Variants in THSD4 observed in about 807,000 individuals in gnomAD.
The protein encoded by THSD4 is thrombospondin type 1 domain containing 4.
THSD4 carries 69 observed loss-of-function variants against 119.0 expected under a neutral mutation model. The observed-to-expected ratio is 0.58, with a 90% CI of 0.48 to 0.71. THSD4 has a LOEUF of 0.71. Among genes scored for constraint, THSD4 ranks in the 30% least tolerant of loss-of-function variants. The probability of loss-of-function intolerance (pLI) is 0.00; values close to 1 mark genes in which losing one functional copy is unlikely to be tolerated. For synonymous variants in THSD4, 524 were observed against 540.4 expected, an observed-to-expected ratio of 0.97 and a Z score of 0.42; for missense variants, 1,393 against 1,391.1, an observed-to-expected ratio of 1.00 and a Z score of -0.02.
intron 6 of THSD4, among the ~76,000 whole-genome samples, chr15:71,266,669 A>G (rs1299218178): frequency 6.6e-6 from 1 of 152,050 alleles, no homozygotes; most frequent in Non-Finnish European, 1.5e-5. Flanking sequence ...CCTCCAAGCT[A>G]AAGGAGCATG....
At chr15:71,230,624 G>C (rs979080221) in intron 4 of THSD4, among the ~76,000 whole-genome samples, 4 of 152,226 alleles carry the variant, frequency 2.6e-5, no homozygotes, top group African/African-American at 9.6e-5. Context: ...AATAACACAG[G>C]TAATTAGTGG....
chr15:71,537,449 C>CAT (rs2048702098), intron 7 of THSD4, among the ~76,000 whole-genome samples: 1 of 152,174 alleles, frequency 6.6e-6, no homozygotes, highest in African/African-American at 2.4e-5. Flanking sequence ...TCTATTCAGC[C>CAT]ATACCCCCTT....
chr15:71,613,734 C>T (rs1205093307), intron 7 of THSD4, among the ~76,000 whole-genome samples: 1 of 152,136 alleles, frequency 6.6e-6, no homozygotes, highest in South Asian at 2.1e-4. Context: ...TCATCTAAAC[C>T]ATAGGTTCCA....
chr15:71,470,178 T>C (rs1487834312), intron 7 of THSD4, among the ~76,000 whole-genome samples: 1 of 152,230 alleles, frequency 6.6e-6, no homozygotes, highest in Non-Finnish European at 1.5e-5. Context: ...TTTCATTTTT[T>C]TTCTAGAAGT....
chr15:71,643,539 C>G (rs1444806956), intron 7 of THSD4, among the ~76,000 whole-genome samples: 1 of 152,138 alleles, frequency 6.6e-6, no homozygotes, highest in Non-Finnish European at 1.5e-5. Flanking sequence ...TTAGTTCCCA[C>G]TTGTAAGTGA....
At chr15:71,287,810 G>A (rs990124252) in intron 6 of THSD4, among the ~76,000 whole-genome samples, 1 of 152,140 alleles carries the variant, frequency 6.6e-6, no homozygotes, top group African/African-American at 2.4e-5. Flanking sequence ...GTAGAGTTGG[G>A]TGCAGCTCTT....
rs199847539 is a variant in THSD4, at chr15:71,323,120, G to T, written c.1015+66405G>T. On this transcript the variant is annotated intron_variant, in intron 6 of 17. Coordinates refer to ENST00000261862, the MANE Select transcript of THSD4 (RefSeq NM_024817.3). Reference sequence around the variant, plus strand: ...TTAAAAAAAAAAAAAAAAAAAAAAAGATCGTAGTCTTCTAATCCTTAACCT... The same window carrying T: ...TTAAAAAAAAAAAAAAAAAAAAAAATATCGTAGTCTTCTAATCCTTAACCT... Among the ~76,000 whole-genome samples, 169 of 124,164 alleles carry T rather than the reference G, an allele frequency of 1.4e-3. 11 individuals carry two copies. In the South Asian group the frequency reaches 0.042, roughly 31 times the overall value. The allele number at this position is 124,164 out of a possible 152,430, so 81.5% of individuals were successfully genotyped here. A position where few individuals can be genotyped will look rare whatever the true frequency, so the allele number is the denominator to read the frequency against.
At chr15:71,651,979 G>A (rs1019371749) in intron 7 of THSD4, among the ~76,000 whole-genome samples, 5 of 152,178 alleles carry the variant, frequency 3.3e-5, no homozygotes, top group South Asian at 2.1e-4. Context: ...CCATGGGGAC[G>A]GTCCCGTGAG....
At chr15:71,553,598 A>T in intron 7 of THSD4, among the ~76,000 whole-genome samples, 1 of 152,148 alleles carries the variant, frequency 6.6e-6, no homozygotes, top group East Asian at 1.9e-4. Flanking sequence ...AAATGCTGGG[A>T]TGAGCCACTG....
intron 6 of THSD4, among the ~76,000 whole-genome samples, chr15:71,397,646 G>T (rs2046470662): frequency 2.6e-5 from 4 of 152,206 alleles, no homozygotes; most frequent in Admixed American, 2.6e-4. Flanking sequence ...CTTAGGGAGA[G>T]AATATGTACT....
chr15:71,412,981 C>T (rs983651078), intron 7 of THSD4, among the ~76,000 whole-genome samples: 2 of 151,984 alleles, frequency 1.3e-5, no homozygotes, highest in East Asian at 1.9e-4. Flanking sequence ...TAGGAACATT[C>T]CAGTGCTACT....
At chr15:71,234,349 A>G (rs1458015025) in intron 4 of THSD4, among the ~76,000 whole-genome samples, 8 of 152,146 alleles carry the variant, frequency 5.3e-5, no homozygotes, top group Non-Finnish European at 1.2e-4. Flanking sequence ...CCACTCGCCC[A>G]GGCTGGAGTG....
intron 7 of THSD4, among the ~76,000 whole-genome samples, chr15:71,557,032 T>C (rs577142854): frequency 6.6e-6 from 1 of 152,292 alleles, no homozygotes; most frequent in Non-Finnish European, 1.5e-5. Flanking sequence ...AGCAAAATGT[T>C]GAATGGGGGC....
chr15:71,695,528 G>C (rs2052148056), intron 8 of THSD4, among the ~76,000 whole-genome samples: 1 of 151,984 alleles, frequency 6.6e-6, no homozygotes, highest in Non-Finnish European at 1.5e-5. Flanking sequence ...GTGTGTGTGT[G>C]TGTGTTACAG....
intron 6 of THSD4, among the ~76,000 whole-genome samples, chr15:71,340,757 C>A (rs543094955): frequency 1.4e-4 from 21 of 152,010 alleles, no homozygotes; most frequent in Non-Finnish European, 2.4e-4. Context: ...AGGTGCCCAC[C>A]ACCACACCTG....
At chr15:71,287,423 G>A (rs1232767564) in intron 6 of THSD4, among the ~76,000 whole-genome samples, 1 of 152,130 alleles carries the variant, frequency 6.6e-6, no homozygotes, top group African/African-American at 2.4e-5. Context: ...TGCTATATCT[G>A]TAATAAGCAT....
At chr15:71,426,484 C>G (rs1222087493) in intron 7 of THSD4, among the ~76,000 whole-genome samples, 1 of 151,942 alleles carries the variant, frequency 6.6e-6, no homozygotes, top group African/African-American at 2.4e-5. Context: ...AGACCCTGCT[C>G]ATTTTTCTGC....
intron 8 of THSD4, among the ~76,000 whole-genome samples, chr15:71,671,667 G>A (rs2051531726): frequency 6.6e-6 from 1 of 152,160 alleles, no homozygotes; most frequent in Non-Finnish European, 1.5e-5. Flanking sequence ...TGTATAAGGT[G>A]TAAGGAAGGG....
chr15:71,237,193 T>C (rs1338198034), intron 4 of THSD4, among the ~76,000 whole-genome samples: 1 of 152,108 alleles, frequency 6.6e-6, no homozygotes, highest in Admixed American at 6.5e-5. Flanking sequence ...GCCAGCCGTC[T>C]TCAGGGGATG....
Sources: allele counts gnomAD v4.1 joint callset (sites outside exome capture counted in the v4.1 genomes callset), GRCh38; gene constraint gnomAD v4.1.1; transcripts MANE v1.5; gene names NCBI Gene and HGNC (gene_info 2026-07-23, HGNC 2026-07-21).